Variants in RALA observed in about 807,000 individuals in gnomAD.
The protein encoded by RALA is RAS like proto-oncogene A.
Under a neutral mutation model 24.0 loss-of-function variants are expected in RALA, and 5 were observed. The ratio of observed to expected loss-of-function variants is 0.21; its 90% CI spans 0.11 to 0.44. The LOEUF is 0.44. RALA is among the 20% of genes least tolerant of loss of function. The probability of loss-of-function intolerance (pLI) is 0.99; values close to 1 mark genes in which losing one functional copy is unlikely to be tolerated. For synonymous variants in RALA, 77 were observed against 83.8 expected (o/e 0.92, Z 0.44); for missense variants, 95 against 241.2 (o/e 0.39, Z 4.01).
intron 3 of RALA, among the ~76,000 whole-genome samples, chr7:39,694,941 G>A (rs765154086): frequency 9.2e-5 from 14 of 151,826 alleles, no homozygotes; most frequent in Non-Finnish European, 1.8e-4. Context: ...TATAGTATAG[G>A]TGTGCTACTC....
At chr7:39,641,480 T>G (rs1209246896) in intron 1 of RALA, among the ~76,000 whole-genome samples, 3 of 152,144 alleles carry the variant, frequency 2.0e-5, no homozygotes, top group Non-Finnish European at 4.4e-5. Flanking sequence ...CTCATGGACG[T>G]TCTTTTATGT....
intron 2 of RALA, among the ~76,000 whole-genome samples, chr7:39,687,986 A>G (rs1343802399): frequency 6.6e-6 from 1 of 151,998 alleles, no homozygotes; most frequent in African/African-American, 2.4e-5. Flanking sequence ...TCTGTTGCCC[A>G]GGGCGATCCT....
In RALA at chr7:39,687,062, C is replaced by T. The variant is rs182769063; in HGVS notation, c.114+281C>T. ...CTTTTTTGTTTTTAGGTTTTATTGG[C>T]GATTCCTACCTTTAATTAATAGAAG... On this transcript the variant is annotated intron_variant, in intron 2 of 4. Transcript: ENST00000005257. Among the ~76,000 whole-genome samples, 923 of 152,000 alleles carry T rather than the reference C, an allele frequency of 6.1e-3. 2 individuals are homozygous for T. Among genetic ancestry groups the T allele is most frequent in the Non-Finnish European group, 8.7e-3 (590 of 67,980 alleles).
intron 1 of RALA, among the ~76,000 whole-genome samples, chr7:39,628,764 C>T (rs987201597): frequency 4.6e-5 from 7 of 151,890 alleles, no homozygotes; most frequent in Non-Finnish European, 1.0e-4. Flanking sequence ...ACCATGCTGG[C>T]CAGGCTGGTC....
intron 1 of RALA, among the ~76,000 whole-genome samples, chr7:39,685,484 A>G (rs1465356701): frequency 2.6e-5 from 4 of 152,090 alleles, no homozygotes; most frequent in African/African-American, 9.7e-5. Context: ...AACCCCCAAT[A>G]ACAAAAAGTC....
chr7:39,692,809 G>A (rs1270948175), intron 3 of RALA, among the ~76,000 whole-genome samples: 1 of 152,202 alleles, frequency 6.6e-6, no homozygotes, highest in Non-Finnish European at 1.5e-5. Context: ...AGAGGTGCTA[G>A]AGTTACAAAC....
chr7:39,674,911 C>T (rs144442666), intron 1 of RALA, among the ~76,000 whole-genome samples: 2,182 of 150,000 alleles, frequency 0.015, 37 homozygotes, highest in African/African-American at 0.049. Flanking sequence ...GCAACCTCCA[C>T]CTCCTGGGTT....
intron 1 of RALA, among the ~76,000 whole-genome samples, chr7:39,645,125 T>C (rs1791902572): frequency 6.6e-6 from 1 of 152,210 alleles, no homozygotes. Flanking sequence ...ATATTGAGAC[T>C]ATAATTGTAA....
At chr7:39,676,769 C>A (rs149156363) in intron 1 of RALA, among the ~76,000 whole-genome samples, 1,767 of 152,150 alleles carry the variant, frequency 0.012, 46 homozygotes, top group South Asian at 0.013. Flanking sequence ...ATTGAAAAAA[C>A]GGGTTGATTG....
At chr7:39,635,674 A>G (rs1188718473) in intron 1 of RALA, among the ~76,000 whole-genome samples, 6 of 152,188 alleles carry the variant, frequency 3.9e-5, no homozygotes, top group Non-Finnish European at 7.3e-5. Context: ...ACTTCAAATC[A>G]TCAGGCATTA....
intron 1 of RALA, among the ~76,000 whole-genome samples, chr7:39,628,037 C>A (rs998946604): frequency 5.3e-5 from 8 of 151,144 alleles, no homozygotes; most frequent in Non-Finnish European, 8.8e-5. Flanking sequence ...ATCTTTTGTT[C>A]TACCAATACC....
At chr7:39,627,237 T>C (rs1281160878) in intron 1 of RALA, among the ~76,000 whole-genome samples, 1 of 152,162 alleles carries the variant, frequency 6.6e-6, no homozygotes, top group Non-Finnish European at 1.5e-5. Context: ...AAATTAAAGT[T>C]CTATGGGTTT....
chr7:39,678,310 A>C (rs937750052), intron 1 of RALA, among the ~76,000 whole-genome samples: 18 of 152,190 alleles, frequency 1.2e-4, no homozygotes, highest in African/African-American at 4.1e-4. Context: ...GAAACGGGAA[A>C]CTAATACATT....
chr7:39,643,785 A>T (rs1053878797), intron 1 of RALA, among the ~76,000 whole-genome samples: 1 of 152,184 alleles, frequency 6.6e-6, no homozygotes, highest in Non-Finnish European at 1.5e-5. Context: ...TGAACCTGGA[A>T]GGCAGAGGTT....
chr7:39,681,911 A>C (rs527664506), intron 1 of RALA, among the ~76,000 whole-genome samples: 1 of 152,190 alleles, frequency 6.6e-6, no homozygotes, highest in Non-Finnish European at 1.5e-5. Context: ...GTCCTTCTCC[A>C]TCTTAGGTAT....
At chr7:39,630,643 T>TCCAGAG (rs1791582485) in intron 1 of RALA, among the ~76,000 whole-genome samples, 1 of 152,216 alleles carries the variant, frequency 6.6e-6, no homozygotes, top group Non-Finnish European at 1.5e-5. Flanking sequence ...CTCATATAGT[T>TCCAGAG]TCATTTCTCA....
intron 2 of RALA, among the ~76,000 whole-genome samples, chr7:39,687,863 A>G (rs115726980): frequency 0.01 from 1,586 of 152,322 alleles, 25 homozygotes; most frequent in African/African-American, 0.036. Flanking sequence ...GATGAGCAAC[A>G]AAGTGTTAAA....
chr7:39,630,817 G>T (rs1791585268), intron 1 of RALA, among the ~76,000 whole-genome samples: 1 of 151,644 alleles, frequency 6.6e-6, no homozygotes. Flanking sequence ...TTTTTCTATT[G>T]GATTATCTCA....
intron 1 of RALA, among the ~76,000 whole-genome samples, chr7:39,628,616 C>T (rs754393711): frequency 3.3e-5 from 5 of 152,186 alleles, no homozygotes; most frequent in Admixed American, 6.5e-5. Context: ...AGTGCAGTGG[C>T]GCGATTTCGG....
Sources: gnomAD v4.1 joint callset for allele counts (sites outside exome capture counted in the v4.1 genomes callset) on GRCh38, gnomAD v4.1.1 for gene constraint, MANE v1.5 for transcripts, NCBI Gene and HGNC (gene_info 2026-07-23, HGNC 2026-07-21) for gene names.